Variants in MTMR12 observed in about 807,000 individuals in gnomAD.
MTMR12 encodes the protein myotubularin related protein 12, also known as myotubularin-related protein 12.
Under a neutral mutation model 96.7 loss-of-function variants are expected in MTMR12, and 33 were observed. The observed-to-expected ratio is 0.34, with a 90% confidence interval of 0.26 to 0.46. The LOEUF is 0.46. Ranked by LOEUF, MTMR12 falls within the 20% of genes least tolerant of loss-of-function variation. MTMR12 has a pLI of 1.00. For synonymous variants in MTMR12, 298 were observed against 327.2 expected (o/e 0.91, Z 0.96); for missense variants, 721 against 896.1 (o/e 0.80, Z 2.49).
At chr5:32,276,840 C>T in intron 1 of MTMR12, 98 bp from the exon 2 acceptor site, 1 of 669,048 alleles carries the variant, frequency 1.5e-6, no homozygotes, top group Non-Finnish European at 2.4e-6. Context: ...ATATCACATA[C>T]CCTCAGGAGC....
At chr5:32,297,290 C>A (rs1241232367) in intron 1 of MTMR12, among the ~76,000 whole-genome samples, 4 of 152,102 alleles carry the variant, frequency 2.6e-5, no homozygotes, top group Non-Finnish European at 4.4e-5. Context: ...CACCTCATAC[C>A]AAAGCTGACC....
At chr5:32,241,538 C>CTT (rs1748476681) in intron 12 of MTMR12, among the ~76,000 whole-genome samples, 1 of 152,180 alleles carries the variant, frequency 6.6e-6, no homozygotes, top group Non-Finnish European at 1.5e-5. Context: ...GTTACAGCAC[C>CTT]AATCTTCCTT....
chr5:32,248,612 G>A (rs369066288), intron 9 of MTMR12, among the ~76,000 whole-genome samples, 160 bp downstream of exon 9: 1 of 152,108 alleles, frequency 6.6e-6, no homozygotes, highest in African/African-American at 2.4e-5. Flanking sequence ...ATGTTATACT[G>A]ACTCCTTTCA....
chr5:32,296,171 A>G (rs1274446559), intron 1 of MTMR12, among the ~76,000 whole-genome samples: 1 of 151,870 alleles, frequency 6.6e-6, no homozygotes. Context: ...AAAAAAAAAC[A>G]AACACTTTAT....
Position 32,229,805 on chromosome 5 carries a change from ATCT to A in MTMR12, c.2214_2216del (p.Glu738del). ...ACACATCCCCTAGGTCCACGAACTC[ATCT>A]TCTCGTTTGGCCAAATCGTCTTCAT... is the stretch of plus-strand genomic sequence containing the variant. On this transcript the variant is annotated inframe_deletion, in exon 16 of 16. Coordinates refer to ENST00000382142, the MANE Select transcript of MTMR12 (RefSeq NM_001040446.3). 2 of 1,553,958 alleles carry A rather than the reference ATCT, an allele frequency of 1.3e-6. No homozygotes were observed. Among genetic ancestry groups the A allele is most frequent in the Non-Finnish European group, 1.7e-6 (2 of 1,150,848 alleles).
At chr5:32,278,549 G>A (rs1750149271) in intron 1 of MTMR12, among the ~76,000 whole-genome samples, 2 of 152,088 alleles carry the variant, frequency 1.3e-5, no homozygotes, top group South Asian at 4.1e-4. Context: ...ATAAATTGGA[G>A]GTGACTAAGA....
chr5:32,258,296 T>G (rs906824587), intron 7 of MTMR12, among the ~76,000 whole-genome samples: 2 of 152,232 alleles, frequency 1.3e-5, no homozygotes, highest in African/African-American at 4.8e-5. Context: ...ACTTGAAATA[T>G]TTTCTTATAA....
rs140836761 is a variant in MTMR12, at chr5:32,229,921, G to A, written c.2101C>T (p.Arg701Cys). Reference protein sequence around the residue: ...EAPCLLRNSARLSSLFPFALL... With the variant: ...EAPCLLRNSACLSSLFPFALL... ...GCGAAAGGAAACAAAGACGAGAGGC[G>A]GGCAGAGTTCCTCAGCAGGCAGGGG... The change falls in exon 16 of 16, where the codon CGC (arginine) becomes TGC (cysteine). Residue 701 changes from arginine (R) to cysteine (C), a missense_variant. Arg to Cys is a radical substitution (Grantham distance 180). Coordinates refer to ENST00000382142, the MANE Select transcript of MTMR12 (RefSeq NM_001040446.3). The A allele has an allele frequency of 3.1e-3, 4,992 of 1,612,976 alleles. 13 individuals are homozygous for A. Among genetic ancestry groups the A allele is most frequent in the Non-Finnish European group, 3.9e-3 (4,617 of 1,179,288 alleles).
Position 32,227,213 on chromosome 5 carries a change from A to C in MTMR12, c.*2565T>G, listed in dbSNP as rs576493501. ...ACTTGGAGGTATAAACAAACTCAAG[A>C]TATTATATACAGTAAATTAATTTAC... On this transcript the variant is annotated 3_prime_UTR_variant, in exon 16 of 16. Coordinates refer to ENST00000382142, the MANE Select transcript of MTMR12 (RefSeq NM_001040446.3). 1 of 152,778 alleles carries C rather than the reference A, an allele frequency of 6.5e-6. No individual in the cohort carries two copies. The highest frequency in any genetic ancestry group is 2.4e-5 in the African/African-American group (1 of 41,594). 9.5% of individuals were successfully genotyped at this position (152,778 alleles called of 1,614,324 possible).
Position 32,248,764 on chromosome 5 carries a change from G to A in MTMR12, c.896+8C>T. 2 of 1,606,878 alleles carry A rather than the reference G, an allele frequency of 1.2e-6. No homozygotes were observed. Among genetic ancestry groups the A allele is most frequent in the South Asian group, 2.2e-5 (2 of 90,946 alleles). On this transcript the variant is annotated splice_region_variant and intron_variant, in intron 9 of 15. Transcript: ENST00000382142. ...TGAACAAGAACAAAATGTAGAACTA[G>A]TACTGACCCATCTAAGAAGCTCTTT...
rs556731353 is a variant in MTMR12, at chr5:32,306,109, T to C, written c.81+6649A>G. Reference sequence around the variant, plus strand: ...ACACTACTAAGGAAGTACTCTAGTGTACAAAGGCTAATCATGATATAAGCA... The same window carrying C: ...ACACTACTAAGGAAGTACTCTAGTGCACAAAGGCTAATCATGATATAAGCA... On this transcript the variant is annotated intron_variant, in intron 1 of 15. Coordinates refer to ENST00000382142, the MANE Select transcript of MTMR12 (RefSeq NM_001040446.3). Among the ~76,000 whole-genome samples, 567 of 152,242 alleles carry C rather than the reference T, an allele frequency of 3.7e-3. 6 individuals are homozygous for C. The highest frequency in any genetic ancestry group is 0.013 in the African/African-American group (546 of 41,544).
chr5:32,282,437 A>C (rs892004552), intron 1 of MTMR12, among the ~76,000 whole-genome samples: 6 of 149,138 alleles, frequency 4.0e-5, no homozygotes, highest in African/African-American at 7.3e-5. Flanking sequence ...ATAAATAAAT[A>C]AATAAATAAA....
rs770605023 is a variant in MTMR12 at position 32,233,747 on chromosome 5, G to A, written c.1674+26C>T. ...ATGCACGGGGTCTGGGCAGCTGAAG[G>A]GGGTTTAGACATGTGGACATCTTAC... On this transcript the variant is annotated intron_variant, in intron 15 of 15. Coordinates refer to ENST00000382142, the MANE Select transcript of MTMR12 (RefSeq NM_001040446.3). This position sits in a 1 kb window ranked among gnomAD's most constrained non-coding sequence, Gnocchi z 5.0. 3 of 1,614,138 alleles carry A rather than the reference G, an allele frequency of 1.9e-6. No individual in the cohort carries two copies. The highest frequency in any genetic ancestry group is 2.5e-6 in the Non-Finnish European group (3 of 1,179,974).
At chr5:32,231,874 C>CT (rs1748010638) in intron 15 of MTMR12, among the ~76,000 whole-genome samples, 1 of 152,216 alleles carries the variant, frequency 6.6e-6, no homozygotes, top group South Asian at 2.1e-4. Context: ...CTCACATTCA[C>CT]TGAGCACCTC....
In MTMR12 at chr5:32,228,344, T is replaced by A. The variant is rs1747810036; in HGVS notation, c.*1434A>T. 1.3e-5 allele frequency: 2 copies of A among 151,886 alleles called. No homozygotes were observed. Among genetic ancestry groups the A allele is most frequent in the Admixed American group, 1.3e-4 (2 of 15,218 alleles). 9.4% of individuals were successfully genotyped at this position (151,886 alleles called of 1,614,324 possible). On this transcript the variant is annotated 3_prime_UTR_variant, in exon 16 of 16. Transcript: ENST00000382142. ...GCAACTGAAAGTTTTTCCGAACATG[T>A]AACATTCAAATTGGGATCCATACTG...
chr5:32,300,911 C>T (rs758709827), intron 1 of MTMR12, among the ~76,000 whole-genome samples: 2 of 152,096 alleles, frequency 1.3e-5, no homozygotes, highest in African/African-American at 4.8e-5. Flanking sequence ...CCCATCTCTA[C>T]TAAAAATACA....
At chr5:32,278,426 G>C (rs1581627022) in intron 1 of MTMR12, among the ~76,000 whole-genome samples, 1 of 151,890 alleles carries the variant, frequency 6.6e-6, no homozygotes, top group Non-Finnish European at 1.5e-5. Flanking sequence ...GAAATTTTCT[G>C]AATTTGTTAA....
At chr5:32,239,215 A>G (rs369406189) in intron 12 of MTMR12, 42 bp from the exon 13 acceptor site, 1 of 1,485,760 alleles carries the variant, frequency 6.7e-7, no homozygotes, top group Non-Finnish European at 9.0e-7. Context: ...GAAGGAGGGC[A>G]TAAAATGTTA....
rs1438560774 is a variant in MTMR12, at chr5:32,233,356, A to C, written c.1674+417T>G. On this transcript the variant is annotated intron_variant, in intron 15 of 15. Coordinates refer to ENST00000382142, the MANE Select transcript of MTMR12 (RefSeq NM_001040446.3). The surrounding 1 kb of genome is among the most constrained non-coding windows in gnomAD (Gnocchi z 5.0). The stretch of plus-strand genomic sequence containing the variant: ...CAGAGTTTTGCAACCTGTGGTTTAC[A>C]GGCACAGCTCATTAAGAAAAGTCTT... 4.6e-5 allele frequency among the ~76,000 whole-genome samples: 7 copies of C among 152,160 alleles called. No homozygotes were observed. The highest frequency in any genetic ancestry group is 1.5e-5 in the Non-Finnish European group (1 of 68,026).
Sources: gnomAD v4.1 joint callset for allele counts (sites outside exome capture counted in the v4.1 genomes callset) on GRCh38, gnomAD v4.1.1 for gene constraint, Gnocchi (gnomAD v3.1) non-coding constraint, MANE v1.5 for transcripts, NCBI Gene and HGNC (gene_info 2026-07-23, HGNC 2026-07-21) for gene names.